PCDHA6: variants seen among roughly 807,000 people sequenced by gnomAD.
PCDHA6 encodes the protein protocadherin alpha 6, also known as protocadherin alpha-6.
In PCDHA6, 55 loss-of-function variants were observed where a neutral mutation model predicts 60.3. The ratio of observed to expected loss-of-function variants is 0.91; its 90% confidence interval spans 0.73 to 1.14. The LOEUF (loss-of-function observed/expected upper bound fraction) is 1.14, where lower values mean the gene tolerates loss of function less well. Ranked by LOEUF, PCDHA6 falls within the 50% of genes most tolerant of loss-of-function variation. The pLI, the probability that PCDHA6 is intolerant of heterozygous loss-of-function variation, is 0.00. For missense variants in PCDHA6, 1,327 were observed against 1,256.5 expected (o/e 1.06, Z -0.85); for synonymous variants, 652 against 557.9 (o/e 1.17, Z -2.38).
chr5:140,828,261 C>A lies in PCDHA6; in HGVS notation c.170C>A (p.Ala57Glu), dbSNP rs2150153228. 14 of 1,613,826 alleles carry A rather than the reference C, an allele frequency of 8.7e-6. No individual in the cohort carries two copies. In the African/African-American group the frequency reaches 1.5e-4, roughly 17 times the overall value. ...RIAQDLGLEL[A>E]ELVPRLFRMA... ...GCGCAGGACCTGGGGCTGGAGCTGGCGGAGCTGGTGCCGCGCCTGTTCAGG... is the reference window on the plus strand; with the variant it reads ...GCGCAGGACCTGGGGCTGGAGCTGGAGGAGCTGGTGCCGCGCCTGTTCAGG... Residue 57 changes from alanine (A) to glutamate (E), a missense_variant, in exon 1 of 4, where the codon GCG becomes GAG. By Grantham distance (107) the Ala-to-Glu change is moderately radical. Transcript: ENST00000529310.
intron 1 of PCDHA6, chr5:140,884,487 T>C (rs374963144): frequency 6.2e-7 from 1 of 1,613,832 alleles, no homozygotes; most frequent in African/African-American, 1.3e-5. Flanking sequence ...CCCACTCTAG[T>C]GTGCTCCAGC....
intron 1 of PCDHA6, chr5:140,929,422 T>C: frequency 1.3e-6 from 2 of 1,500,730 alleles, no homozygotes; most frequent in Non-Finnish European, 1.8e-6. Context: ...CAACATTTCA[T>C]CAATTGAACT....
intron 2 of PCDHA6, among the ~76,000 whole-genome samples, chr5:140,981,956 T>C (rs2096959461): frequency 6.6e-6 from 1 of 152,184 alleles, no homozygotes; most frequent in Non-Finnish European, 1.5e-5. Flanking sequence ...GGGTCATCTA[T>C]GCATAAAAGA....
chr5:140,915,553 A>T (rs1317422262), intron 1 of PCDHA6, among the ~76,000 whole-genome samples: 1 of 152,156 alleles, frequency 6.6e-6, no homozygotes, highest in African/African-American at 2.4e-5. Context: ...AATAAGATCC[A>T]GAATGATTAT....
intron 1 of PCDHA6, among the ~76,000 whole-genome samples, chr5:140,838,783 A>G (rs1398229562): frequency 6.6e-6 from 1 of 152,002 alleles, no homozygotes; most frequent in Middle Eastern, 3.2e-3. Context: ...TTAGCTATGC[A>G]TGGTGATGCA....
chr5:140,870,555 G>A (rs1554164406), intron 1 of PCDHA6: 1 of 1,613,926 alleles, frequency 6.2e-7, no homozygotes, highest in Non-Finnish European at 8.5e-7. Context: ...CGGACGCGCA[G>A]GAGAACGCGC....
At chr5:140,880,369 G>A (rs1055944264) in intron 1 of PCDHA6, among the ~76,000 whole-genome samples, 4 of 152,210 alleles carry the variant, frequency 2.6e-5, no homozygotes, top group African/African-American at 9.7e-5. Context: ...TGAAAACCAT[G>A]AGAGAATAGA....
chr5:140,875,349 CTG>C, intron 1 of PCDHA6: 1 of 1,444,894 alleles, frequency 6.9e-7, no homozygotes, highest in Non-Finnish European at 9.1e-7. Context: ...TCCATAATGA[CTG>C]TGATGCTGGA....
intron 1 of PCDHA6, among the ~76,000 whole-genome samples, chr5:140,845,265 T>C (rs1779776321): frequency 6.7e-6 from 1 of 149,658 alleles, no homozygotes; most frequent in African/African-American, 2.4e-5. Flanking sequence ...GTGTTTTCCT[T>C]TGTGAAAGTA....
chr5:140,985,039 G>A lies in PCDHA6; in HGVS notation c.2542+2476G>A, dbSNP rs112093918. Among the ~76,000 whole-genome samples the A allele has an allele frequency of 5.2e-3, 789 of 152,178 alleles. 6 individuals carry two copies. Among genetic ancestry groups the A allele is most frequent in the African/African-American group, 0.018 (750 of 41,516 alleles). ...AGCAACCTCTGCCTCCTGGGTTCAA[G>A]TGATTCTCCTGCCTCAGCCTCCTGA... On this transcript the variant is annotated intron_variant, in intron 3 of 3. Transcript: ENST00000529310.
At chr5:140,831,708 G>A (rs2150196932) in intron 1 of PCDHA6, among the ~76,000 whole-genome samples, 10 of 152,148 alleles carry the variant, frequency 6.6e-5, no homozygotes, top group Admixed American at 5.2e-4. Context: ...TAGTGATTAA[G>A]TGTGAGTTTT....
intron 1 of PCDHA6, chr5:140,848,211 A>T: frequency 2.8e-6 from 1 of 353,668 alleles, no homozygotes; most frequent in Non-Finnish European, 5.1e-6. Flanking sequence ...TCATTACTTA[A>T]GAAAAAATTA....
In PCDHA6 at chr5:141,011,189, A is replaced by G. The variant is rs573647175; in HGVS notation, c.*1252A>G. On this transcript the variant is annotated 3_prime_UTR_variant, in exon 4 of 4. Coordinates refer to ENST00000529310, the MANE Select transcript of PCDHA6 (RefSeq NM_018909.4). ...CAAGACCCAAAAATTGAAGAAAAAT[A>G]TTGTTTTCTCATACAGTGAGCAGAT... 1.3e-5 allele frequency: 2 copies of G among 153,810 alleles called. No homozygotes were observed. Among genetic ancestry groups the G allele is most frequent in the African/African-American group, 4.8e-5 (2 of 41,570 alleles). 9.5% of individuals were successfully genotyped at this position (153,810 alleles called of 1,614,324 possible).
intron 3 of PCDHA6, among the ~76,000 whole-genome samples, chr5:140,989,660 G>T (rs1369597923): frequency 6.6e-6 from 1 of 152,180 alleles, no homozygotes; most frequent in Non-Finnish European, 1.5e-5. Context: ...TATTTTAAAA[G>T]AAACTCTGCC....
At chr5:140,860,192 C>CATATATATATAT (rs143984774) in intron 1 of PCDHA6, 7 of 146,860 alleles carry the variant, frequency 4.8e-5, no homozygotes, top group African/African-American at 1.8e-4. Context: ...GCTCTCCTTA[C>CATATATATATAT]ATATATATCT....
rs782727100 is a variant in PCDHA6, at chr5:140,877,121, C to G, written c.2394+46636C>G. 12 of 1,613,694 alleles carry G rather than the reference C, an allele frequency of 7.4e-6. No homozygotes were observed. In the South Asian group the frequency reaches 8.8e-5, roughly 12 times the overall value. ...GTGCCGCCTCTGGGCAGCAACGTGA[C>G]GCTGCAGGTGTTCGTGCTGGACGAG... is the stretch of plus-strand genomic sequence containing the variant. On this transcript the variant is annotated intron_variant, in intron 1 of 3. Coordinates refer to ENST00000529310, the MANE Select transcript of PCDHA6 (RefSeq NM_018909.4).
chr5:140,897,080 A>AT lies in PCDHA6; in HGVS notation c.2394+66601dup, dbSNP rs201233181. The stretch of plus-strand genomic sequence containing the variant: ...ATACTATGTCTTATTCATTTTTTCT[A>AT]TTTTTTATCCTCATTAAAAATCTCC... On this transcript the variant is annotated intron_variant, in intron 1 of 3. Transcript: ENST00000529310. 8.0e-3 allele frequency among the ~76,000 whole-genome samples: 1,212 copies of AT among 152,020 alleles called. 6 individuals carry two copies. Among genetic ancestry groups the AT allele is most frequent in the African/African-American group, 0.019 (783 of 41,452 alleles).
At chr5:140,901,654 T>C (rs1274474554) in intron 1 of PCDHA6, among the ~76,000 whole-genome samples, 6 of 152,194 alleles carry the variant, frequency 3.9e-5, no homozygotes. Flanking sequence ...GTTTTGTTCT[T>C]TTTGCTCAAG....
intron 1 of PCDHA6, chr5:140,841,504 G>T (rs2150316836): frequency 1.2e-6 from 2 of 1,613,362 alleles, no homozygotes; most frequent in East Asian, 4.5e-5. Context: ...AGCTGGTGCC[G>T]CGCCTGTTCC....
Sources: allele counts gnomAD v4.1 joint callset (sites outside exome capture counted in the v4.1 genomes callset), GRCh38; gene constraint gnomAD v4.1.1; transcripts MANE v1.5; gene names NCBI Gene and HGNC (gene_info 2026-07-23, HGNC 2026-07-21).